The following GRK1 variants were observed in gnomAD, a reference collection of about 807,000 sequenced individuals.
GRK1 encodes the protein rhodopsin kinase GRK1.
GRK1 carries 28 observed loss-of-function variants against 41.7 expected under a neutral mutation model. The ratio of observed to expected loss-of-function variants is 0.67; its 90% CI spans 0.50 to 0.92. GRK1 has a LOEUF of 0.92. Ranked by LOEUF, GRK1 falls within the 40% of genes least tolerant of loss-of-function variation. The probability of loss-of-function intolerance (pLI) is 0.00; values close to 1 mark genes in which losing one functional copy is unlikely to be tolerated. For synonymous variants in GRK1, 327 were observed against 286.7 expected (o/e 1.14, Z -1.42); for missense variants, 703 against 671.2 (o/e 1.05, Z -0.52).
chr13:113,667,568 T>A lies in GRK1; in HGVS notation c.182T>A (p.Val61Glu). The change falls in exon 1 of 7, where the codon GTG (valine) becomes GAG (glutamate). Residue 61 changes from valine to glutamate, a missense_variant. Coordinates refer to ENST00000335678, the MANE Select transcript of GRK1 (RefSeq NM_002929.3). This position sits in a 1 kb window ranked among gnomAD's most constrained non-coding sequence, Gnocchi z 7.5. The stretch of plus-strand genomic sequence containing the variant: ...AGCCTCAGCCTGGAGTTTGAGAGTG[T>A]GTGCTTGGAGCAGCCCATCGGCAAG... ...RDSLSLEFESVCLEQPIGKKL... is the reference protein window; with the variant it reads ...RDSLSLEFESECLEQPIGKKL... The A allele has an allele frequency of 1.2e-6, 2 of 1,613,578 alleles. No individual in the cohort carries two copies. Among genetic ancestry groups the A allele is most frequent in the Non-Finnish European group, 1.7e-6 (2 of 1,179,884 alleles).
chr13:113,723,484 A>C (rs2049869496), intron 4 of GRK1, among the ~76,000 whole-genome samples: 1 of 152,150 alleles, frequency 6.6e-6, no homozygotes, highest in Admixed American at 6.5e-5. Context: ...ATCAATCAGC[A>C]TATGTAAGAT....
chr13:113,735,161 C>T lies in GRK1; in HGVS notation c.1490C>T (p.Ala497Val), dbSNP rs2049993724. 1 of 1,537,200 alleles carries T rather than the reference C, an allele frequency of 6.5e-7. No homozygotes were observed. The highest frequency in any genetic ancestry group is 1.2e-5 in the South Asian group (1 of 84,064). The change falls in exon 7 of 7, where the codon GCC becomes GTC. Residue 497 changes from alanine to valine, a missense_variant. Ala to Val is a moderately conservative substitution (Grantham distance 64). Transcript: ENST00000335678. The part of the protein sequence containing the change: ...VGAFSTVKGV[A>V]FDKTDTEFFQ... ...GCCTTTTCCACCGTCAAAGGTGTGG[C>T]CTTTGACAAAACAGACACAGAATTC... is the stretch of plus-strand genomic sequence containing the variant.
the GRK1 span, among the ~76,000 whole-genome samples, chr13:113,661,640 G>A: frequency 6.6e-6 from 1 of 152,124 alleles, no homozygotes; most frequent in African/African-American, 2.4e-5. Flanking sequence ...ATAACTGATA[G>A]CAGGAATAAA....
At chr13:113,724,906 C>G (rs774696573) in intron 4 of GRK1, among the ~76,000 whole-genome samples, 6 of 152,230 alleles carry the variant, frequency 3.9e-5, no homozygotes, top group African/African-American at 1.4e-4. Context: ...CAGGTGGACT[C>G]CGAGGCCAGG....
chr13:113,661,749 G>A, the GRK1 span, among the ~76,000 whole-genome samples: 11 of 152,140 alleles, frequency 7.2e-5, no homozygotes, highest in Non-Finnish European at 1.3e-4. Flanking sequence ...TAGATAATGG[G>A]CTGCTTCATC....
chr13:113,659,237 G>C, the GRK1 span, among the ~76,000 whole-genome samples: 6 of 152,258 alleles, frequency 3.9e-5, no homozygotes, highest in Non-Finnish European at 8.8e-5. Context: ...CTGGATGGCA[G>C]ATGCCATTGC....
intron 5 of GRK1, 147 bp from the exon 6 acceptor site, chr13:113,732,737 C>G (rs1044309770): frequency 6.7e-6 from 5 of 749,226 alleles, no homozygotes; most frequent in Non-Finnish European, 8.5e-6. Context: ...GAGCCTCAAA[C>G]GCTGCTGTGC....
At chr13:113,670,920 G>C (rs1269388478) in intron 2 of GRK1, among the ~76,000 whole-genome samples, 1 of 151,692 alleles carries the variant, frequency 6.6e-6, no homozygotes, top group Non-Finnish European at 1.5e-5. Flanking sequence ...TGGTGGCTCT[G>C]GCCGCCTTGT....
Position 113,731,873 on chromosome 13 carries a change from C to T in GRK1, c.1194+530C>T, listed in dbSNP as rs1267853590. On this transcript the variant is annotated intron_variant, in intron 5 of 6. Transcript: ENST00000335678. This position sits in a 1 kb window ranked among gnomAD's most constrained non-coding sequence, Gnocchi z 5.6. ...CGCTGTTGCAGAAGAGCAAGCTCCC[C>T]TTCTTCCCAGACACCAAGAACCCAC... Among the ~76,000 whole-genome samples, 2 of 152,186 alleles carry T rather than the reference C, an allele frequency of 1.3e-5. No homozygotes were observed. The highest frequency in any genetic ancestry group is 1.3e-4 in the Admixed American group (2 of 15,286).
chr13:113,732,860 C>T (rs1488340659), intron 5 of GRK1, 24 bp from the exon 6 acceptor site: 1 of 1,529,838 alleles, frequency 6.5e-7, no homozygotes, highest in Admixed American at 2.0e-5. Context: ...TCTGGCAGGG[C>T]TAAGGCTACG....
At chr13:113,732,270 T>C (rs2049942786) in intron 5 of GRK1, among the ~76,000 whole-genome samples, 1 of 152,108 alleles carries the variant, frequency 6.6e-6, no homozygotes, top group Non-Finnish European at 1.5e-5. Flanking sequence ...CCCTTCTGAC[T>C]TCCCTGGACA....
At chr13:113,656,951 G>A in the GRK1 span, among the ~76,000 whole-genome samples, 1 of 152,150 alleles carries the variant, frequency 6.6e-6, no homozygotes, top group Non-Finnish European at 1.5e-5. Context: ...GCCCCGCCTG[G>A]CCCAGGAGGC....
the GRK1 span, among the ~76,000 whole-genome samples, chr13:113,658,631 C>T: frequency 6.6e-6 from 1 of 152,176 alleles, no homozygotes; most frequent in Non-Finnish European, 1.5e-5. Flanking sequence ...CTCCCTGGGC[C>T]CCCCGCTGCG....
chr13:113,734,260 T>C (rs1236090451), intron 6 of GRK1, among the ~76,000 whole-genome samples: 3 of 152,230 alleles, frequency 2.0e-5, no homozygotes, highest in African/African-American at 7.2e-5. Context: ...CAGCAGTGAC[T>C]GCCAGACAGG....
the GRK1 span, among the ~76,000 whole-genome samples, chr13:113,658,822 A>G: frequency 1.3e-5 from 2 of 152,206 alleles, no homozygotes; most frequent in Admixed American, 6.5e-5. Flanking sequence ...TTTTGTGTCC[A>G]TGGAGGAATT....
chr13:113,733,540 T>C (rs1176795581), intron 6 of GRK1, among the ~76,000 whole-genome samples: 11 of 120,764 alleles, frequency 9.1e-5, no homozygotes, highest in African/African-American at 2.5e-4. Flanking sequence ...CGTGTGTGCA[T>C]GCGTGTGCGC....
chr13:113,652,479 A>G, the GRK1 span, among the ~76,000 whole-genome samples: 2 of 152,094 alleles, frequency 1.3e-5, no homozygotes, highest in Non-Finnish European at 2.9e-5. Flanking sequence ...ACACCCCCTA[A>G]GGGGCCCCTG....
chr13:113,667,482 C>T lies in GRK1; in HGVS notation c.96C>T (p.Asp32=). 1 of 1,611,680 alleles carries T rather than the reference C, an allele frequency of 6.2e-7. No homozygotes were observed. The highest frequency in any genetic ancestry group is 1.1e-5 in the South Asian group (1 of 90,764). The part of the protein sequence containing the change: ...FDGSSSQPSR[D]KKYLAKLKLP... Reference sequence around the variant, plus strand: ...GCAGCAGCTCCCAACCCTCCCGGGACAAGAAGTACCTGGCCAAGCTCAAGC... The same window carrying T: ...GCAGCAGCTCCCAACCCTCCCGGGATAAGAAGTACCTGGCCAAGCTCAAGC... Residue 32 remains aspartate (D), a synonymous_variant, in exon 1 of 7, where the codon GAC becomes GAT. Transcript: ENST00000335678. The surrounding 1 kb of genome is among the most constrained non-coding windows in gnomAD (Gnocchi z 7.5).
the GRK1 span, among the ~76,000 whole-genome samples, chr13:113,652,063 G>A: frequency 2.6e-5 from 4 of 152,254 alleles, no homozygotes; most frequent in East Asian, 1.9e-4. Flanking sequence ...GACAGAGCAC[G>A]GGCCGGCCTG....
Sources: gnomAD v4.1 joint callset for allele counts (sites outside exome capture counted in the v4.1 genomes callset) on GRCh38, gnomAD v4.1.1 for gene constraint, Gnocchi (gnomAD v3.1) non-coding constraint, MANE v1.5 for transcripts, NCBI Gene and HGNC (gene_info 2026-07-23, HGNC 2026-07-21) for gene names.